Variants in PDE10A observed in about 807,000 individuals in gnomAD.
PDE10A encodes the protein cAMP and cAMP-inhibited cGMP 3',5'-cyclic phosphodiesterase 10A.
In PDE10A, 39 loss-of-function variants were observed where a neutral mutation model predicts 97.7. The ratio of observed to expected loss-of-function variants is 0.40; its 90% CI spans 0.31 to 0.52. PDE10A has a LOEUF of 0.52. Among genes scored for constraint, PDE10A ranks in the 20% least tolerant of loss-of-function variants. The pLI is 0.56. For synonymous variants in PDE10A, 371 were observed against 376.8 expected, an observed-to-expected ratio of 0.98 and a Z score of 0.18; for missense variants, 731 against 1,047.8, an observed-to-expected ratio of 0.70 and a Z score of 4.17.
chr6:165,354,191 G>A (rs532424043), intron 18 of PDE10A, among the ~76,000 whole-genome samples: 4 of 152,280 alleles, frequency 2.6e-5, no homozygotes, highest in African/African-American at 7.2e-5. Flanking sequence ...ATAAGGAAAG[G>A]TAAATTGTAT....
At chr6:165,716,067 A>T (rs1233163856) in intron 1 of PDE10A, among the ~76,000 whole-genome samples, 1 of 152,170 alleles carries the variant, frequency 6.6e-6, no homozygotes, top group Non-Finnish European at 1.5e-5. Flanking sequence ...TGAGAGAAAG[A>T]CCGCCTCAGA....
rs1229886470 is a variant in PDE10A, at chr6:165,662,424, G to GA, written c.387dup (p.Leu130SerfsTer51). ...AGGTGAAAGGCAGATGAGGAGGGGA[G>GA]AAAAGAGGGAGGGGGCGGGGGGGGC... is the stretch of plus-strand genomic sequence containing the variant. On this transcript the variant is annotated frameshift_variant, in exon 1 of 22. Coordinates refer to ENST00000539869, the MANE Select transcript of PDE10A (RefSeq NM_001385079.1). LOFTEE classifies it high-confidence loss of function. 6.8e-6 allele frequency: 1 copy of GA among 147,468 alleles called. No individual in the cohort carries two copies. The highest frequency in any genetic ancestry group is 1.5e-5 in the Non-Finnish European group (1 of 66,488). The allele number at this position is 147,468 out of a possible 1,614,324, so 9.1% of individuals were successfully genotyped here.
At chr6:165,431,757 A>G (rs1269687139) in intron 7 of PDE10A, among the ~76,000 whole-genome samples, 1 of 151,678 alleles carries the variant, frequency 6.6e-6, no homozygotes, top group African/African-American at 2.4e-5. Context: ...AATATTTACA[A>G]GGTTTTTCTT....
At chr6:165,825,022 A>C (rs1779689014) in intron 1 of PDE10A, among the ~76,000 whole-genome samples, 1 of 148,962 alleles carries the variant, frequency 6.7e-6, no homozygotes, top group Admixed American at 6.7e-5. Context: ...GGTGGCAGTC[A>C]CCTGTAATCT....
Position 165,343,821 on chromosome 6 carries a change from A to G in PDE10A, c.2784-319T>C, listed in dbSNP as rs549839835. 2.0e-5 allele frequency among the ~76,000 whole-genome samples: 3 copies of G among 152,342 alleles called. No homozygotes were observed. In the South Asian group the frequency reaches 6.2e-4, roughly 32 times the overall value. ...AATCCCCTGGTACACTTTTATGGCT[A>G]TGGATCAGGCTTTCATTTTCATTGA... On this transcript the variant is annotated intron_variant, in intron 18 of 21. Transcript: ENST00000539869.
At chr6:165,876,213 T>C (rs2280559) in intron 1 of PDE10A, among the ~76,000 whole-genome samples, 42,370 of 151,902 alleles carry the variant, frequency 0.28, 6,238 homozygotes, top group East Asian at 0.42. Flanking sequence ...AAGAAGGGGG[T>C]ATACTTATCA....
chr6:165,803,684 A>C (rs1268144901), intron 1 of PDE10A, among the ~76,000 whole-genome samples: 1 of 152,244 alleles, frequency 6.6e-6, no homozygotes, highest in Non-Finnish European at 1.5e-5. Flanking sequence ...ATTGCTAAAA[A>C]TAAATATGGT....
At chr6:165,701,416 A>G (rs1406311624) in intron 1 of PDE10A, among the ~76,000 whole-genome samples, 1 of 152,246 alleles carries the variant, frequency 6.6e-6, no homozygotes, top group East Asian at 1.9e-4. Context: ...TCAGTAGCAC[A>G]TGCTTGGACC....
chr6:165,444,016 A>T (rs951362982), intron 5 of PDE10A, among the ~76,000 whole-genome samples: 2 of 152,174 alleles, frequency 1.3e-5, no homozygotes, highest in Non-Finnish European at 2.9e-5. Flanking sequence ...TTTCTACAAC[A>T]CGGTCAGGCT....
intron 7 of PDE10A, among the ~76,000 whole-genome samples, chr6:165,432,095 A>C (rs1375718301): frequency 1.3e-5 from 2 of 152,190 alleles, no homozygotes; most frequent in African/African-American, 4.8e-5. Context: ...GCACTATTCT[A>C]GGTGCTGGAG....
intron 1 of PDE10A, among the ~76,000 whole-genome samples, chr6:165,588,112 A>C (rs1786022764): frequency 6.6e-6 from 1 of 152,098 alleles, no homozygotes; most frequent in Non-Finnish European, 1.5e-5. Context: ...TACCGCTCTA[A>C]AAAAATGGTA....
intron 1 of PDE10A, among the ~76,000 whole-genome samples, chr6:165,598,161 C>T (rs1786716217): frequency 6.6e-6 from 1 of 152,168 alleles, no homozygotes; most frequent in South Asian, 2.1e-4. Context: ...TTAGGTTTTA[C>T]AATACCAACA....
intron 2 of PDE10A, among the ~76,000 whole-genome samples, chr6:165,538,210 T>C (rs1313680271): frequency 6.6e-6 from 1 of 151,960 alleles, no homozygotes; most frequent in Non-Finnish European, 1.5e-5. Flanking sequence ...CTAGAATCAC[T>C]GAAAGGAGAA....
chr6:165,338,702 C>T (rs1781791411), intron 20 of PDE10A, among the ~76,000 whole-genome samples: 1 of 152,136 alleles, frequency 6.6e-6, no homozygotes, highest in Admixed American at 6.6e-5. Context: ...AAAAATAAAA[C>T]AATTCAAATT....
chr6:165,496,891 T>C (rs1780568999), intron 2 of PDE10A, among the ~76,000 whole-genome samples: 1 of 152,220 alleles, frequency 6.6e-6, no homozygotes, highest in African/African-American at 2.4e-5. Context: ...ATTCTTACTA[T>C]ATATGTTTTA....
chr6:165,566,938 C>T (rs1784805866), intron 1 of PDE10A, among the ~76,000 whole-genome samples: 1 of 152,072 alleles, frequency 6.6e-6, no homozygotes, highest in Admixed American at 6.5e-5. Flanking sequence ...TTCTATGACC[C>T]AGAAATTACA....
chr6:165,369,727 A>C (rs537152146), intron 18 of PDE10A, among the ~76,000 whole-genome samples: 46 of 139,290 alleles, frequency 3.3e-4, no homozygotes, highest in Admixed American at 1.7e-3. Context: ...AATACAGAGA[A>C]CGCCACAAAG....
At position 165,425,770 on chromosome 6, in the gene PDE10A, C is replaced by CATGTGTGT. The variant is rs112669910; in HGVS notation, c.1653+2887_1653+2888insACACACAT. 1.8e-3 allele frequency among the ~76,000 whole-genome samples: 258 copies of CATGTGTGT among 144,136 alleles called. 1 individual carries two copies. The highest frequency in any genetic ancestry group is 6.5e-3 in the African/African-American group (248 of 38,268). The allele number at this position is 144,136 out of a possible 152,430, so 94.6% of individuals were successfully genotyped here. On this transcript the variant is annotated intron_variant, in intron 10 of 21. Coordinates refer to ENST00000539869, the MANE Select transcript of PDE10A (RefSeq NM_001385079.1). ...TGTCTCTAATTATAGAAGGCATGAT[C>CATGTGTGT]GTGTGTGTGTGTGTGTGTGTGTGTG...
At chr6:165,474,280 C>T (rs1294035816) in intron 3 of PDE10A, among the ~76,000 whole-genome samples, 1 of 152,054 alleles carries the variant, frequency 6.6e-6, no homozygotes. Context: ...TGGCCCAACA[C>T]TATAAAATAT....
Sources: gnomAD v4.1 joint callset for allele counts (sites outside exome capture counted in the v4.1 genomes callset) on GRCh38, gnomAD v4.1.1 for gene constraint, MANE v1.5 for transcripts, NCBI Gene and HGNC (gene_info 2026-07-23, HGNC 2026-07-21) for gene names.